The following IGF2BP2 variants were observed in gnomAD, a reference collection of about 807,000 sequenced individuals.
IGF2BP2 encodes insulin like growth factor 2 mRNA binding protein 2, also known as insulin-like growth factor 2 mRNA-binding protein 2.
In IGF2BP2, 17 loss-of-function variants were observed where a neutral mutation model predicts 75.8. That is an observed-to-expected ratio of 0.22 (90% confidence interval 0.15 to 0.34). The LOEUF (loss-of-function observed/expected upper bound fraction) is 0.34, where lower values mean the gene tolerates loss of function less well. Ranked by LOEUF, IGF2BP2 falls within the 10% of genes least tolerant of loss-of-function variation. The pLI, the probability that IGF2BP2 is intolerant of heterozygous loss-of-function variation, is 1.00. For missense variants in IGF2BP2, 516 were observed against 772.4 expected (o/e 0.67, Z 3.93); for synonymous variants, 288 against 295.6 (o/e 0.97, Z 0.26).
chr3:185,659,916 T>A (rs1716144857), intron 10 of IGF2BP2, among the ~76,000 whole-genome samples: 1 of 152,110 alleles, frequency 6.6e-6, no homozygotes, highest in Non-Finnish European at 1.5e-5. Flanking sequence ...TGCCTCAGCC[T>A]CCCAAATAGC....
At chr3:185,674,496 A>G (rs1719003267) in intron 9 of IGF2BP2, among the ~76,000 whole-genome samples, 1 of 152,198 alleles carries the variant, frequency 6.6e-6, no homozygotes, top group Non-Finnish European at 1.5e-5. Flanking sequence ...TCTCCCCATT[A>G]AGAGTAAAAA....
chr3:185,679,263 G>C (rs188505061), intron 7 of IGF2BP2, among the ~76,000 whole-genome samples: 1 of 150,522 alleles, frequency 6.6e-6, no homozygotes, highest in Non-Finnish European at 1.5e-5. Context: ...TCTTTTGTGC[G>C]TTCTCATAGA....
intron 2 of IGF2BP2, among the ~76,000 whole-genome samples, chr3:185,734,072 G>A (rs1198828410): frequency 6.6e-6 from 1 of 152,050 alleles, no homozygotes. Flanking sequence ...CCCTTACTTC[G>A]CCACAAGAGG....
Position 185,669,743 on chromosome 3 carries a change from A to T in IGF2BP2, c.1200+2798T>A, listed in dbSNP as rs75833458. Among the ~76,000 whole-genome samples, 8 of 152,328 alleles carry T rather than the reference A, an allele frequency of 5.3e-5. No individual in the cohort carries two copies. The East Asian group carries it at 1.5e-3, about 29-fold the overall frequency. ...TTTGTGATATACAAAAGCAACCAAG[A>T]AATATCTTAGTTCCTTGAAATTTGA... On this transcript the variant is annotated intron_variant, in intron 10 of 15. Transcript: ENST00000382199.
intron 1 of IGF2BP2, 24 bp from the exon 2 acceptor site, chr3:185,823,237 T>A (rs1560527675): frequency 6.3e-7 from 1 of 1,587,044 alleles, no homozygotes; most frequent in Non-Finnish European, 8.6e-7. Flanking sequence ...ATTAAAGCAC[T>A]CAGAACCTTG....
chr3:185,748,811 C>T (rs1219977985), intron 2 of IGF2BP2, among the ~76,000 whole-genome samples: 1 of 152,184 alleles, frequency 6.6e-6, no homozygotes, highest in Non-Finnish European at 1.5e-5. Context: ...TACAAGGTCC[C>T]CTTATCAGCC....
intron 6 of IGF2BP2, among the ~76,000 whole-genome samples, chr3:185,687,836 G>C (rs1260571939): frequency 1.3e-5 from 2 of 151,824 alleles, no homozygotes; most frequent in East Asian, 3.9e-4. Flanking sequence ...TTTTACTTTG[G>C]TTGTTAGAAA....
At chr3:185,701,399 A>T (rs891856251) in intron 2 of IGF2BP2, among the ~76,000 whole-genome samples, 7 of 151,556 alleles carry the variant, frequency 4.6e-5, no homozygotes, top group Admixed American at 2.0e-4. Flanking sequence ...AAAGAAAGAA[A>T]GAAGAAAAAA....
chr3:185,717,831 A>C (rs1210993051), intron 2 of IGF2BP2: 1 of 152,264 alleles, frequency 6.6e-6, no homozygotes, highest in East Asian at 1.9e-4. Flanking sequence ...CCAGGTGGGA[A>C]GTAGGTACCA....
intron 5 of IGF2BP2, among the ~76,000 whole-genome samples, chr3:185,692,461 C>T (rs550131923): frequency 7.2e-5 from 11 of 152,262 alleles, no homozygotes; most frequent in African/African-American, 1.2e-4. Context: ...ACAAATATCC[C>T]GGTGTGAATG....
intron 2 of IGF2BP2, among the ~76,000 whole-genome samples, chr3:185,790,257 T>C (rs531656493): frequency 1.5e-3 from 224 of 144,692 alleles, no homozygotes; most frequent in African/African-American, 5.7e-3. Flanking sequence ...TAAAGTACTG[T>C]TTAATCATTT....
At chr3:185,774,487 C>T (rs1734278726) in intron 2 of IGF2BP2, among the ~76,000 whole-genome samples, 3 of 151,434 alleles carry the variant, frequency 2.0e-5, no homozygotes, top group Admixed American at 2.0e-4. Context: ...CCCAGCTACT[C>T]AGGAGGCTGA....
At position 185,644,202 on chromosome 3, in the gene IGF2BP2, T is replaced by C. The variant is rs1467150508; in HGVS notation, c.*1329A>G. The C allele has an allele frequency of 2.6e-5, 4 of 152,426 alleles. No homozygotes were observed. The highest frequency in any genetic ancestry group is 5.9e-5 in the Non-Finnish European group (4 of 68,002). 9.4% of individuals were successfully genotyped at this position (152,426 alleles called of 1,614,324 possible). On this transcript the variant is annotated 3_prime_UTR_variant, in exon 16 of 16. Coordinates refer to ENST00000382199, the MANE Select transcript of IGF2BP2 (RefSeq NM_006548.6). Reference sequence around the variant, plus strand: ...CTCTAAGGGAAACACAAGAGCAAGGTGCTGAGGTAAAAACACCTGAGGTAG... The same window carrying C: ...CTCTAAGGGAAACACAAGAGCAAGGCGCTGAGGTAAAAACACCTGAGGTAG...
At chr3:185,762,807 T>C (rs1732558561) in intron 2 of IGF2BP2, among the ~76,000 whole-genome samples, 1 of 152,142 alleles carries the variant, frequency 6.6e-6, no homozygotes, top group African/African-American at 2.4e-5. Context: ...AATGGATGAA[T>C]TTTATCCAAG....
At chr3:185,757,961 G>A (rs1016939547) in intron 2 of IGF2BP2, among the ~76,000 whole-genome samples, 12 of 152,198 alleles carry the variant, frequency 7.9e-5, no homozygotes, top group Non-Finnish European at 1.3e-4. Context: ...TATCTGAAGA[G>A]ACTAACCTTT....
chr3:185,671,073 A>C (rs992521728), intron 10 of IGF2BP2, among the ~76,000 whole-genome samples: 1 of 152,182 alleles, frequency 6.6e-6, no homozygotes, highest in Non-Finnish European at 1.5e-5. Context: ...GACAGCAAAA[A>C]TACAGAGATG....
chr3:185,687,748 C>G (rs1721348179), intron 6 of IGF2BP2, among the ~76,000 whole-genome samples: 1 of 152,166 alleles, frequency 6.6e-6, no homozygotes, highest in Non-Finnish European at 1.5e-5. Flanking sequence ...AGCTTGATGA[C>G]TTTATCAGAC....
intron 2 of IGF2BP2, among the ~76,000 whole-genome samples, chr3:185,785,855 G>A (rs1735815508): frequency 6.6e-6 from 1 of 152,122 alleles, no homozygotes; most frequent in African/African-American, 2.4e-5. Context: ...AGTTCACTGT[G>A]TAAACCATTT....
chr3:185,738,431 C>T lies in IGF2BP2; in HGVS notation c.240-40084G>A, dbSNP rs117541262. On this transcript the variant is annotated intron_variant, in intron 2 of 15. Coordinates refer to ENST00000382199, the MANE Select transcript of IGF2BP2 (RefSeq NM_006548.6). ...AAAAGTATAAAAGCAACACAGAAGA[C>T]GGAGGCAGGAACAGCCTAGGGGAGT... Among the ~76,000 whole-genome samples, 20 of 152,172 alleles carry T rather than the reference C, an allele frequency of 1.3e-4. No individual in the cohort carries two copies. The East Asian group carries it at 3.9e-3, about 29-fold the overall frequency.
Sources: gnomAD v4.1 joint callset for allele counts (sites outside exome capture counted in the v4.1 genomes callset) on GRCh38, gnomAD v4.1.1 for gene constraint, MANE v1.5 for transcripts, NCBI Gene and HGNC (gene_info 2026-07-23, HGNC 2026-07-21) for gene names.